The following RFC1 variants were observed in gnomAD, a reference collection of about 807,000 sequenced individuals.
RFC1 encodes the protein replication factor C subunit 1.
Under a neutral mutation model 137.4 loss-of-function variants are expected in RFC1, and 37 were observed. The ratio of observed to expected loss-of-function variants is 0.27; its 90% CI spans 0.21 to 0.35. The LOEUF is 0.35. Among genes scored for constraint, RFC1 ranks in the 10% least tolerant of loss-of-function variants. The probability of loss-of-function intolerance (pLI) is 1.00; values close to 1 mark genes in which losing one functional copy is unlikely to be tolerated. For synonymous variants in RFC1, 429 were observed against 455.7 expected (o/e 0.94, Z 0.75); for missense variants, 1,205 against 1,358.5 (o/e 0.89, Z 1.78).
At chr4:39,311,655 A>G (rs2109640620) in intron 11 of RFC1, 106 bp from the exon 12 acceptor site, 1 of 653,884 alleles carries the variant, frequency 1.5e-6, no homozygotes, top group South Asian at 2.2e-5. Context: ...GAAAAACCAC[A>G]TTCGTAAATT....
intron 7 of RFC1, 154 bp from the exon 8 acceptor site, chr4:39,321,528 G>A: frequency 1.7e-6 from 1 of 578,598 alleles, no homozygotes. Flanking sequence ...AAATTTCCAA[G>A]GCAAATGAGG....
intron 4 of RFC1, among the ~76,000 whole-genome samples, chr4:39,332,013 A>G (rs746346421): frequency 2.6e-5 from 4 of 152,106 alleles, no homozygotes; most frequent in Non-Finnish European, 5.9e-5. Flanking sequence ...ATGAGATCTG[A>G]TGGTTCTATA....
At chr4:39,309,137 T>A in intron 12 of RFC1, 105 bp from the exon 13 acceptor site, 2 of 1,228,630 alleles carry the variant, frequency 1.6e-6, no homozygotes, top group Non-Finnish European at 2.2e-6. Flanking sequence ...CCAAGTGGGC[T>A]ACTCAACCTG....
intron 13 of RFC1, among the ~76,000 whole-genome samples, chr4:39,306,980 G>A (rs1578119560): frequency 6.6e-6 from 1 of 152,030 alleles, no homozygotes; most frequent in Non-Finnish European, 1.5e-5. Flanking sequence ...TCCTGTGAAC[G>A]CACAGGCCAT....
At chr4:39,354,134 G>A (rs968349470) in intron 1 of RFC1, among the ~76,000 whole-genome samples, 1 of 152,064 alleles carries the variant, frequency 6.6e-6, no homozygotes, top group Non-Finnish European at 1.5e-5. Context: ...TGATGGCAAC[G>A]TAAGAGTTAA....
chr4:39,365,827 G>A (rs1741995095), intron 1 of RFC1, among the ~76,000 whole-genome samples: 1 of 152,156 alleles, frequency 6.6e-6, no homozygotes, highest in Non-Finnish European at 1.5e-5. Context: ...AGAAAAGTTT[G>A]TTACATTCTT....
Position 39,309,014 on chromosome 4 carries a change from G to C in RFC1, c.1507C>G (p.Leu503Val). ...VETEMKKESK[L>V]ERTPQKNVQG... Reference sequence around the variant, plus strand: ...ACATTTTTTTGGGGTGTTCTCTCCAGTTTGGACTCTTTCTTCATCTTAAGA... The same window carrying C: ...ACATTTTTTTGGGGTGTTCTCTCCACTTTGGACTCTTTCTTCATCTTAAGA... The change falls in exon 13 of 25, where the codon CTG becomes GTG. Residue 503 changes from leucine (L) to valine (V), a missense_variant. Coordinates refer to ENST00000349703, the MANE Select transcript of RFC1 (RefSeq NM_002913.5). 6.3e-7 allele frequency: 1 copy of C among 1,598,182 alleles called. No individual in the cohort carries two copies. The highest frequency in any genetic ancestry group is 8.5e-7 in the Non-Finnish European group (1 of 1,176,148).
Position 39,351,450 on chromosome 4 carries a change from T to C in RFC1, c.30A>G (p.Ile10Met). ...CACTTACAAGTTTCTTTCCACTTGG[T>C]ATTACTCCAAAGAATTTCCGAATGT... MDIRKFFGV[I>M]PSGKKLVSET... The change falls in exon 2 of 25, where the codon ATA becomes ATG. Residue 10 changes from isoleucine (I) to methionine (M), a missense_variant. Transcript: ENST00000349703. The C allele has an allele frequency of 6.4e-7, 1 of 1,569,322 alleles. No individual in the cohort carries two copies. The highest frequency in any genetic ancestry group is 8.6e-7 in the Non-Finnish European group (1 of 1,160,876).
chr4:39,302,467 C>A, intron 18 of RFC1, 33 bp downstream of exon 18: 1 of 1,524,634 alleles, frequency 6.6e-7, no homozygotes, highest in Non-Finnish European at 9.1e-7. Flanking sequence ...TAAAAATAAT[C>A]AACAACTGTT....
chr4:39,312,865 C>T lies in RFC1; in HGVS notation c.1270G>A (p.Asp424Asn), dbSNP rs1398201957. The stretch of plus-strand genomic sequence containing the variant: ...CGTTCAATTAGAGACTTGGCCTCAT[C>T]TCGTTCAATAGACTCCAGCACGCCT... ...ITGVLESIER[D>N]EAKSLIERYG... is the part of the protein sequence containing the mutation. Residue 424 changes from aspartate (D) to asparagine (N), a missense_variant, in exon 11 of 25, where the codon GAT becomes AAT. By Grantham distance (23) the Asp-to-Asn change is conservative. Around this residue, in one of 3 missense-constraint regions of RFC1, gnomAD observed 962 missense variants for 1,035.3 expected, o/e 0.93. Transcript: ENST00000349703. 1.2e-6 allele frequency: 2 copies of T among 1,613,984 alleles called. No individual in the cohort carries two copies. The highest frequency in any genetic ancestry group is 2.7e-5 in the African/African-American group (2 of 74,882).
At chr4:39,307,211 C>T (rs1331419280) in intron 13 of RFC1, among the ~76,000 whole-genome samples, 2 of 152,214 alleles carry the variant, frequency 1.3e-5, no homozygotes, top group Non-Finnish European at 2.9e-5. Flanking sequence ...ATAGTAGCTA[C>T]ATGGTCACAA....
intron 10 of RFC1, among the ~76,000 whole-genome samples, chr4:39,314,662 G>A (rs1265274174): frequency 6.6e-6 from 1 of 151,880 alleles, no homozygotes; most frequent in Non-Finnish European, 1.5e-5. Flanking sequence ...CTTCCTGCAG[G>A]CTCCCATAAA....
At chr4:39,298,307 CAAA>C (rs55727769) in intron 21 of RFC1, among the ~76,000 whole-genome samples, 2 of 111,218 alleles carry the variant, frequency 1.8e-5, no homozygotes, top group Non-Finnish European at 3.6e-5. Context: ...GACCTTGTCT[CAAA>C]AAAAAAAAAA....
At chr4:39,362,405 C>T (rs1444243040) in intron 1 of RFC1, among the ~76,000 whole-genome samples, 3 of 152,146 alleles carry the variant, frequency 2.0e-5, no homozygotes. Flanking sequence ...GACAAAGCCA[C>T]GGTAACACAG....
At chr4:39,305,744 T>A (rs1345870128) in intron 14 of RFC1, among the ~76,000 whole-genome samples, 1 of 152,120 alleles carries the variant, frequency 6.6e-6, no homozygotes, top group Non-Finnish European at 1.5e-5. Flanking sequence ...TTCTTCTGAT[T>A]CATTTCCCAA....
chr4:39,344,319 TC>T (rs1347088069), intron 3 of RFC1, among the ~76,000 whole-genome samples: 2 of 152,190 alleles, frequency 1.3e-5, no homozygotes, highest in Non-Finnish European at 2.9e-5. Flanking sequence ...TTGTGTTTAT[TC>T]CTTTTTAAAT....
rs1201656145 is a variant in RFC1 at position 39,308,798 on chromosome 4, C to T, written c.1723G>A (p.Asp575Asn). ...TTTTCCACTTTGTTTTCACTGCTGT[C>T]ATCAGCCAAATTCCTAGCCTTGCTG... is the stretch of plus-strand genomic sequence containing the variant. ...GDSKARNLAD[D>N]SSENKVENLL... The change falls in exon 13 of 25, where the codon GAC becomes AAC. Residue 575 changes from aspartate to asparagine, a missense_variant. Asp to Asn is a conservative substitution (Grantham distance 23). Around this residue, in one of 3 missense-constraint regions of RFC1, gnomAD observed 962 missense variants for 1,035.3 expected, o/e 0.93. Coordinates refer to ENST00000349703, the MANE Select transcript of RFC1 (RefSeq NM_002913.5). The T allele has an allele frequency of 1.2e-6, 2 of 1,614,064 alleles. No individual in the cohort carries two copies. The highest frequency in any genetic ancestry group is 1.7e-6 in the Non-Finnish European group (2 of 1,180,038).
At chr4:39,348,978 C>G (rs1741047884) in intron 2 of RFC1, among the ~76,000 whole-genome samples, 1 of 152,216 alleles carries the variant, frequency 6.6e-6, no homozygotes, top group African/African-American at 2.4e-5. Flanking sequence ...GATTTCTCCT[C>G]TTTGGAATGG....
chr4:39,294,928 C>G (rs1019864212), intron 22 of RFC1, among the ~76,000 whole-genome samples: 1 of 152,080 alleles, frequency 6.6e-6, no homozygotes, highest in Non-Finnish European at 1.5e-5. Context: ...CACTTAAACC[C>G]GGAGGTGGAG....
Sources: allele counts gnomAD v4.1 joint callset (sites outside exome capture counted in the v4.1 genomes callset), GRCh38; gene constraint gnomAD v4.1.1; regional missense constraint gnomAD v4.1.1; transcripts MANE v1.5; gene names NCBI Gene and HGNC (gene_info 2026-07-23, HGNC 2026-07-21).